The following ADAMTS12 variants were observed in gnomAD, a reference collection of about 807,000 sequenced individuals.
ADAMTS12 encodes A disintegrin and metalloproteinase with thrombospondin motifs 12.
In ADAMTS12, 118 loss-of-function variants were observed where a neutral mutation model predicts 167.8. The observed-to-expected ratio is 0.70, with a 90% CI of 0.61 to 0.82. The LOEUF (loss-of-function observed/expected upper bound fraction) is 0.82. Ranked by LOEUF, ADAMTS12 falls within the 40% of genes least tolerant of loss-of-function variation. The pLI, the probability that ADAMTS12 is intolerant of heterozygous loss-of-function variation, is 0.00. For synonymous variants in ADAMTS12, 704 were observed against 716.9 expected (o/e 0.98, Z 0.29); for missense variants, 1,916 against 1,998.8 (o/e 0.96, Z 0.79).
At chr5:33,698,770 T>C (rs985256035) in intron 3 of ADAMTS12, among the ~76,000 whole-genome samples, 1 of 152,204 alleles carries the variant, frequency 6.6e-6, no homozygotes, top group Non-Finnish European at 1.5e-5. Flanking sequence ...AAACCCCGTC[T>C]CTACTAAAAA....
At chr5:33,755,603 C>T (rs1056859655) in intron 2 of ADAMTS12, among the ~76,000 whole-genome samples, 1 of 152,172 alleles carries the variant, frequency 6.6e-6, no homozygotes, top group Non-Finnish European at 1.5e-5. Flanking sequence ...ATAGAATGTT[C>T]TAGAGTCACA....
At chr5:33,667,233 G>A (rs1741504782) in intron 5 of ADAMTS12, among the ~76,000 whole-genome samples, 1 of 146,270 alleles carries the variant, frequency 6.8e-6, no homozygotes, top group African/African-American at 2.5e-5. Context: ...CAGGATAATT[G>A]CTTGAACCCA....
At chr5:33,595,194 C>T (rs1189120494) in intron 17 of ADAMTS12, among the ~76,000 whole-genome samples, 3 of 151,510 alleles carry the variant, frequency 2.0e-5, no homozygotes, top group African/African-American at 4.9e-5. Context: ...ATAAGCCTGG[C>T]ATAATAACAT....
intron 20 of ADAMTS12, among the ~76,000 whole-genome samples, chr5:33,555,109 C>G (rs1745430179): frequency 6.6e-6 from 1 of 152,158 alleles, no homozygotes; most frequent in Non-Finnish European, 1.5e-5. Context: ...TCAGAAGAAA[C>G]AGACAAAATA....
At chr5:33,684,787 C>T (rs760077611) in intron 3 of ADAMTS12, among the ~76,000 whole-genome samples, 5 of 152,088 alleles carry the variant, frequency 3.3e-5, no homozygotes, top group Non-Finnish European at 7.4e-5. Context: ...GTTTGGAAGA[C>T]GAAATCTAGG....
rs4049324 is a variant in ADAMTS12 at position 33,565,674 on chromosome 5, G to GT, written c.3973-4496dup. Among the ~76,000 whole-genome samples, 158 of 126,292 alleles carry GT rather than the reference G, an allele frequency of 1.3e-3. 2 individuals carry two copies. The highest frequency in any genetic ancestry group is 0.012 in the South Asian group (48 of 4,018). 82.9% of individuals were successfully genotyped at this position (126,292 alleles called of 152,430 possible). ...CACCACTGTTGCCAGTTTTTTGTTT[G>GT]TTTTTTTTTTTTTTTTTGGTGAGCT... On this transcript the variant is annotated intron_variant, in intron 19 of 23. Transcript: ENST00000504830.
chr5:33,616,680 G>T (rs1739034400), intron 14 of ADAMTS12, among the ~76,000 whole-genome samples: 1 of 152,178 alleles, frequency 6.6e-6, no homozygotes, highest in Non-Finnish European at 1.5e-5. Context: ...CTATTCATTA[G>T]AAAGTTTTCT....
chr5:33,707,302 A>T (rs1276488133), intron 3 of ADAMTS12, among the ~76,000 whole-genome samples: 1 of 152,190 alleles, frequency 6.6e-6, no homozygotes, highest in Non-Finnish European at 1.5e-5. Flanking sequence ...GAAACAAGAG[A>T]AGACACAAAT....
At chr5:33,838,475 G>A (rs185779284) in intron 2 of ADAMTS12, among the ~76,000 whole-genome samples, 937 of 152,282 alleles carry the variant, frequency 6.2e-3, no homozygotes, top group Middle Eastern at 0.014. Context: ...TTGAGGTCAG[G>A]AGTTCAAGAC....
At chr5:33,615,022 G>GCT (rs749211384) in intron 15 of ADAMTS12, among the ~76,000 whole-genome samples, 1 of 152,192 alleles carries the variant, frequency 6.6e-6, no homozygotes, top group Non-Finnish European at 1.5e-5. Flanking sequence ...TAGGTATGCT[G>GCT]CTCTTGGGAT....
chr5:33,549,203 C>G lies in ADAMTS12; in HGVS notation c.4302+4G>C. The G allele has an allele frequency of 5.6e-6, 9 of 1,611,874 alleles. No individual in the cohort carries two copies. Among genetic ancestry groups the G allele is most frequent in the Non-Finnish European group, 7.6e-6 (9 of 1,178,240 alleles). On this transcript the variant is annotated splice_donor_region_variant and intron_variant, in intron 21 of 23. Coordinates refer to ENST00000504830, the MANE Select transcript of ADAMTS12 (RefSeq NM_030955.4). ...GGACATCTCTCCCTTTGTGGGGGAC[C>G]TACCTGGCTCCAAGGCTCCACCTGC...
chr5:33,748,930 A>AC (rs1219474981), intron 3 of ADAMTS12, among the ~76,000 whole-genome samples: 2 of 152,224 alleles, frequency 1.3e-5, no homozygotes, highest in Non-Finnish European at 2.9e-5. Context: ...AAGAATATTC[A>AC]CAAGCACATT....
intron 20 of ADAMTS12, among the ~76,000 whole-genome samples, chr5:33,556,749 C>T (rs867144415): frequency 5.6e-4 from 85 of 152,320 alleles, no homozygotes; most frequent in African/African-American, 2.0e-3. Context: ...AGCCAGGACA[C>T]AGCTCGGCTC....
intron 3 of ADAMTS12, among the ~76,000 whole-genome samples, chr5:33,691,176 G>A (rs1349498998): frequency 2.6e-5 from 4 of 152,162 alleles, no homozygotes; most frequent in African/African-American, 9.7e-5. Context: ...ATTTCATGTA[G>A]GGTATAAAGT....
chr5:33,748,349 G>A (rs1052248491), intron 3 of ADAMTS12, among the ~76,000 whole-genome samples: 3 of 152,164 alleles, frequency 2.0e-5, no homozygotes, highest in Non-Finnish European at 4.4e-5. Flanking sequence ...CTAGAAAGTC[G>A]ATCTTAGAGG....
Position 33,535,969 on chromosome 5 carries a change from C to T in ADAMTS12, c.4447-977G>A, listed in dbSNP as rs557164113. On this transcript the variant is annotated intron_variant, in intron 22 of 23. Transcript: ENST00000504830. ...AAGCCATTCTAATGATATGGTTCCACTGCAATGTCATGATCGCCCACCTGG... is the reference window on the plus strand; with the variant it reads ...AAGCCATTCTAATGATATGGTTCCATTGCAATGTCATGATCGCCCACCTGG... 1.8e-4 allele frequency among the ~76,000 whole-genome samples: 27 copies of T among 152,274 alleles called. No individual in the cohort carries two copies. In the South Asian group the frequency reaches 5.0e-3, roughly 28 times the overall value.
chr5:33,692,567 T>G (rs9292506), intron 3 of ADAMTS12, among the ~76,000 whole-genome samples: 34,156 of 152,140 alleles, frequency 0.22, 4,010 homozygotes, highest in East Asian at 0.42. Flanking sequence ...TTATGTGGTA[T>G]TTTCTGTCAC....
At position 33,727,700 on chromosome 5, in the gene ADAMTS12, A is replaced by G. The variant is rs555111259; in HGVS notation, c.634+23704T>C. Among the ~76,000 whole-genome samples, 33 of 151,932 alleles carry G rather than the reference A, an allele frequency of 2.2e-4. No homozygotes were observed. In the South Asian group the frequency reaches 4.8e-3, roughly 22 times the overall value. ...GTATGCATCCTGTTCCCTGGAACAC[A>G]CTCTTTCTTAGATTTTGAACGATTA... On this transcript the variant is annotated intron_variant, in intron 3 of 23. Coordinates refer to ENST00000504830, the MANE Select transcript of ADAMTS12 (RefSeq NM_030955.4).
intron 3 of ADAMTS12, among the ~76,000 whole-genome samples, chr5:33,704,297 T>C (rs748800426): frequency 4.6e-5 from 7 of 152,234 alleles, no homozygotes; most frequent in Admixed American, 1.3e-4. Flanking sequence ...TGAATAATGC[T>C]GCAATGAACA....
Sources: allele counts gnomAD v4.1 joint callset (sites outside exome capture counted in the v4.1 genomes callset), GRCh38; gene constraint gnomAD v4.1.1; transcripts MANE v1.5; gene names NCBI Gene and HGNC (gene_info 2026-07-23, HGNC 2026-07-21).